The following GPR139 variants were observed in gnomAD, a reference collection of about 807,000 sequenced individuals.
GPR139 encodes the protein G protein-coupled receptor 139, also known as probable G protein-coupled receptor 139.
Under a neutral mutation model 25.8 loss-of-function variants are expected in GPR139, and 12 were observed. The ratio of observed to expected loss-of-function variants is 0.47; its 90% confidence interval spans 0.30 to 0.75. The LOEUF (loss-of-function observed/expected upper bound fraction) is 0.75, where lower values mean the gene tolerates loss of function less well. Among genes scored for constraint, GPR139 ranks in the 30% least tolerant of loss-of-function variants. The pLI, the probability that GPR139 is intolerant of heterozygous loss-of-function variation, is 0.07. For missense variants in GPR139, 380 were observed against 450.2 expected, an observed-to-expected ratio of 0.84 and a Z score of 1.41; for synonymous variants, 184 against 179.9, an observed-to-expected ratio of 1.02 and a Z score of -0.18.
At chr16:20,048,240 T>C (rs886889114) in intron 1 of GPR139, among the ~76,000 whole-genome samples, 3 of 152,160 alleles carry the variant, frequency 2.0e-5, no homozygotes, top group African/African-American at 4.8e-5. Context: ...GGAAATTAAT[T>C]TGGTGTTCAG....
chr16:20,030,178 G>T lies in GPR139; in HGVS notation c.*1557C>A, dbSNP rs1415281573. On this transcript the variant is annotated 3_prime_UTR_variant, in exon 2 of 2. Coordinates refer to ENST00000570682, the MANE Select transcript of GPR139 (RefSeq NM_001002911.4). ...CCTTTTCTTATCCCATTCATTTATT[G>T]CAAATTCCCTTAAAAAAGATAGACA... is the stretch of plus-strand genomic sequence containing the variant. Among the ~76,000 whole-genome samples, 3 of 152,138 alleles carry T rather than the reference G, an allele frequency of 2.0e-5. No homozygotes were observed. Among genetic ancestry groups the T allele is most frequent in the Non-Finnish European group, 4.4e-5 (3 of 68,036 alleles).
chr16:20,040,967 G>A (rs1455395666), intron 1 of GPR139, among the ~76,000 whole-genome samples: 1 of 151,428 alleles, frequency 6.6e-6, no homozygotes, highest in African/African-American at 2.4e-5. Context: ...TCTGAAAAAA[G>A]AAGCCACTTA....
rs998374589 is a variant in GPR139, at chr16:20,031,144, T to A, written c.*591A>T. Among the ~76,000 whole-genome samples, 3 of 152,114 alleles carry A rather than the reference T, an allele frequency of 2.0e-5. No homozygotes were observed. The highest frequency in any genetic ancestry group is 4.4e-5 in the Non-Finnish European group (3 of 68,020). The stretch of plus-strand genomic sequence containing the variant: ...TTTCCTGAAGAAGCTCTGGCCACAG[T>A]TTGGATGGGATCCAATACTCTTCTA... On this transcript the variant is annotated 3_prime_UTR_variant, in exon 2 of 2. Coordinates refer to ENST00000570682, the MANE Select transcript of GPR139 (RefSeq NM_001002911.4).
chr16:20,052,530 G>T (rs1430524633), intron 1 of GPR139, among the ~76,000 whole-genome samples: 1 of 152,176 alleles, frequency 6.6e-6, no homozygotes, highest in Admixed American at 6.5e-5. Flanking sequence ...GGGCGCGGTG[G>T]CTCACGCCTG....
intron 1 of GPR139, among the ~76,000 whole-genome samples, chr16:20,053,147 A>G (rs2057378060): frequency 2.6e-5 from 4 of 152,232 alleles, no homozygotes; most frequent in Admixed American, 2.6e-4. Context: ...TGGTAAGTTA[A>G]GAGCTGAAAT....
At chr16:20,066,017 C>G (rs1340817871) in intron 1 of GPR139, among the ~76,000 whole-genome samples, 1 of 152,054 alleles carries the variant, frequency 6.6e-6, no homozygotes, top group Non-Finnish European at 1.5e-5. Flanking sequence ...GTACATCTGT[C>G]TCTATAACTG....
intron 1 of GPR139, among the ~76,000 whole-genome samples, chr16:20,061,318 G>T (rs1210809027): frequency 1.3e-5 from 2 of 151,802 alleles, no homozygotes; most frequent in African/African-American, 4.8e-5. Flanking sequence ...TGGATGGATA[G>T]ATGCGTGGAT....
intron 1 of GPR139, among the ~76,000 whole-genome samples, chr16:20,044,613 G>A (rs1347659821): frequency 6.6e-6 from 1 of 152,170 alleles, no homozygotes; most frequent in Non-Finnish European, 1.5e-5. Context: ...TTCCCTCAGA[G>A]CAGCTAATAG....
chr16:20,035,375 G>T (rs1567234776), intron 1 of GPR139, among the ~76,000 whole-genome samples: 1 of 152,192 alleles, frequency 6.6e-6, no homozygotes, highest in Non-Finnish European at 1.5e-5. Flanking sequence ...AGAGAAAAAT[G>T]GTGAGTATGT....
intron 1 of GPR139, among the ~76,000 whole-genome samples, chr16:20,040,274 T>C (rs1055014606): frequency 1.3e-5 from 2 of 152,144 alleles, no homozygotes; most frequent in African/African-American, 4.8e-5. Flanking sequence ...TAATCGTAAA[T>C]TGTTGCTCCT....
rs2057279269 is a variant in GPR139 at position 20,029,484 on chromosome 16, A to AT, written c.*2250_*2251insA. ...TACATGTTTAAAAAATAAATAAATA[A>AT]ATATATATATATATATATATTCAGT... On this transcript the variant is annotated 3_prime_UTR_variant, in exon 2 of 2. Transcript: ENST00000570682. Among the ~76,000 whole-genome samples, 4 of 144,102 alleles carry AT rather than the reference A, an allele frequency of 2.8e-5. No individual in the cohort carries two copies. The South Asian group carries it at 6.5e-4, about 23-fold the overall frequency. 94.5% of individuals were successfully genotyped at this position (144,102 alleles called of 152,430 possible).
At chr16:20,044,562 C>T (rs2608174) in intron 1 of GPR139, among the ~76,000 whole-genome samples, 55,647 of 151,742 alleles carry the variant, frequency 0.37, 11,290 homozygotes, top group East Asian at 0.56. Flanking sequence ...TGAATGGCAA[C>T]GTGCAAAGGT....
chr16:20,045,897 CTTAT>C (rs2057352794), intron 1 of GPR139, among the ~76,000 whole-genome samples: 1 of 152,208 alleles, frequency 6.6e-6, no homozygotes, highest in African/African-American at 2.4e-5. Flanking sequence ...CCAGGGGATA[CTTAT>C]TTGTTTTTGC....
At chr16:20,049,620 A>T (rs1448154934) in intron 1 of GPR139, among the ~76,000 whole-genome samples, 1 of 152,152 alleles carries the variant, frequency 6.6e-6, no homozygotes, top group Non-Finnish European at 1.5e-5. Context: ...TGACAGTTTC[A>T]CTCTTAGAAC....
Position 20,068,236 on chromosome 16 carries a change from C to CAA in GPR139, c.127+5252_127+5253dup, listed in dbSNP as rs10534277. 1.7e-3 allele frequency among the ~76,000 whole-genome samples: 186 copies of CAA among 108,892 alleles called. 1 individual carries two copies. Among genetic ancestry groups the CAA allele is most frequent in the African/African-American group, 4.3e-3 (117 of 27,326 alleles). 71.4% of individuals were successfully genotyped at this position (108,892 alleles called of 152,430 possible). A position where few individuals can be genotyped will look rare whatever the true frequency, so the allele number is the denominator to read the frequency against. ...CATGAATATCATTATCTATTTAATG[C>CAA]AAAAAAAAAAAAAAAAAAAAAAGAA... On this transcript the variant is annotated intron_variant, in intron 1 of 1. Coordinates refer to ENST00000570682, the MANE Select transcript of GPR139 (RefSeq NM_001002911.4).
chr16:20,041,159 AGGGGAGGG>A (rs2057330407), intron 1 of GPR139, among the ~76,000 whole-genome samples: 5 of 304 alleles, frequency 0.016, no homozygotes, highest in East Asian at 0.036. Context: ...ACGAGAGGGG[AGGGGAGGG>A]GAGGGGAGGG....
At position 20,046,912 on chromosome 16, in the gene GPR139, A is replaced by G. The variant is rs147394398; in HGVS notation, c.128-14243T>C. Among the ~76,000 whole-genome samples the G allele has an allele frequency of 9.0e-3, 1,374 of 152,254 alleles. 10 individuals are homozygous for G. Among genetic ancestry groups the G allele is most frequent in the Middle Eastern group, 0.048 (14 of 294 alleles). On this transcript the variant is annotated intron_variant, in intron 1 of 1. Transcript: ENST00000570682. ...AGTGAGACCCCATATCTCTATAAAA[A>G]GTTAAAAAATCTGCTGAGTGTGGTG...
intron 1 of GPR139, among the ~76,000 whole-genome samples, chr16:20,041,484 T>C (rs1350386493): frequency 1.3e-5 from 2 of 151,726 alleles, no homozygotes; most frequent in African/African-American, 4.8e-5. Context: ...AGAGACCGAA[T>C]TGTATGATGG....
intron 1 of GPR139, among the ~76,000 whole-genome samples, chr16:20,059,942 G>A (rs988341612): frequency 2.0e-5 from 3 of 152,142 alleles, no homozygotes; most frequent in Admixed American, 2.0e-4. Context: ...AAGGGTCGTG[G>A]GTGCAGAGGG....
Sources: allele counts gnomAD v4.1 joint callset (sites outside exome capture counted in the v4.1 genomes callset), GRCh38; gene constraint gnomAD v4.1.1; transcripts MANE v1.5; gene names NCBI Gene and HGNC (gene_info 2026-07-23, HGNC 2026-07-21).